Variants in TRAPPC2L observed in about 807,000 individuals in gnomAD.
TRAPPC2L encodes the protein trafficking protein particle complex subunit 2L.
In TRAPPC2L, 17 loss-of-function variants were observed where a neutral mutation model predicts 13.2. The ratio of observed to expected loss-of-function variants is 1.29; its 90% CI spans 0.88 to 1.93. The LOEUF is 1.93. Among genes scored for constraint, TRAPPC2L ranks in the 30% most tolerant of loss-of-function variants. The pLI is 0.00. For synonymous variants in TRAPPC2L, 150 were observed against 98.1 expected, an observed-to-expected ratio of 1.53 and a Z score of -3.12; for missense variants, 359 against 252.1, an observed-to-expected ratio of 1.42 and a Z score of -2.87.
exon 4 of TRAPPC2L, chr16:88,862,638 T>A (rs1968464790): frequency 1.4e-5 from 1 of 73,340 alleles, no homozygotes; most frequent in South Asian, 3.3e-4. Context: ...TTCAGCTTTT[T>A]TTTTAATGTG....
intron 1 of TRAPPC2L, 168 bp downstream of exon 1, chr16:88,857,351 A>T: frequency 1.7e-6 from 1 of 604,064 alleles, no homozygotes; most frequent in South Asian, 2.2e-5. Flanking sequence ...CGCCAGGCAG[A>T]CCCTGACTGA....
At chr16:88,859,509 TAGGCTTGTACCC>T in intron 2 of TRAPPC2L, 142 bp from the exon 3 acceptor site, 1 of 790,760 alleles carries the variant, frequency 1.3e-6, no homozygotes, top group Admixed American at 1.8e-5. Flanking sequence ...GCAAAGTATT[TAGGCTTGTACCC>T]AGCACGGCCA....
chr16:88,859,816 T>G, intron 3 of TRAPPC2L, 66 bp downstream of exon 3: 1 of 1,588,174 alleles, frequency 6.3e-7, no homozygotes, highest in Non-Finnish European at 8.6e-7. Flanking sequence ...GACTTTGTTT[T>G]GAAATGCTGA....
chr16:88,859,918 A>T (rs1298757265), exon 4 of TRAPPC2L: 1 of 1,556,582 alleles, frequency 6.4e-7, no homozygotes, highest in Non-Finnish European at 8.6e-7. Flanking sequence ...CACAACTCCT[A>T]CACAGACGTG....
exon 4 of TRAPPC2L, chr16:88,860,454 T>C: frequency 1.7e-6 from 1 of 603,370 alleles, no homozygotes; most frequent in Non-Finnish European, 2.9e-6. Context: ...CATTCCAGAC[T>C]TGCTTTCAGT....
chr16:88,856,907 C>CAGCGAGCCGACCT (rs1187835208), upstream of TRAPPC2L: 54 of 1,498,450 alleles, frequency 3.6e-5, 1 homozygote, highest in East Asian at 8.0e-4. Context: ...GAGCCCCGGC[C>CAGCGAGCCGACCT]AGCGAGCCGA....
At chr16:88,860,348 G>A (rs932038871) in exon 4 of TRAPPC2L, 8 of 667,826 alleles carry the variant, frequency 1.2e-5, no homozygotes, top group Non-Finnish European at 2.2e-5. Context: ...ATTTGGAACA[G>A]TCAGGAACCT....
chr16:88,858,555 G>T (rs1444060117), intron 1 of TRAPPC2L, 64 bp from the exon 2 acceptor site: 1 of 1,567,006 alleles, frequency 6.4e-7, no homozygotes, highest in African/African-American at 1.3e-5. Context: ...CTGCAGCATA[G>T]TTCAGAGCTG....
chr16:88,856,332 C>T (rs1967875626), upstream of TRAPPC2L: 1 of 702,628 alleles, frequency 1.4e-6, no homozygotes, highest in Non-Finnish European at 2.6e-6. Context: ...GGCAGGGCGG[C>T]AGGAGCAGCC....
chr16:88,859,957 A>AGCGCAT (rs2143016543), exon 4 of TRAPPC2L: 1 of 1,513,454 alleles, frequency 6.6e-7, no homozygotes, highest in African/African-American at 2.6e-5. Flanking sequence ...AACCCGGGGG[A>AGCGCAT]CCGCATCCAG....
exon 4 of TRAPPC2L, chr16:88,861,173 CT>C (rs1353259350): frequency 4.9e-5 from 29 of 587,076 alleles, no homozygotes; most frequent in Non-Finnish European, 7.3e-5. Context: ...CAACTAAGGA[CT>C]TTTCTGGGGT....
intron 2 of TRAPPC2L, 87 bp downstream of exon 2, chr16:88,858,878 G>A: frequency 7.0e-7 from 1 of 1,423,320 alleles, no homozygotes; most frequent in Admixed American, 2.6e-5. Context: ...CCTTTTAGAA[G>A]AAAAAGAGGT....
exon 4 of TRAPPC2L, chr16:88,860,574 G>C (rs1968315787): frequency 5.1e-6 from 3 of 588,544 alleles, no homozygotes; most frequent in South Asian, 2.1e-5. Flanking sequence ...GGGCCATCCT[G>C]GTCCCAGATG....
At chr16:88,857,367 C>G (rs998712956) in intron 1 of TRAPPC2L, 184 bp downstream of exon 1, 1 of 554,268 alleles carries the variant, frequency 1.8e-6, no homozygotes, top group African/African-American at 2.0e-5. Context: ...ACTGAGACCC[C>G]AGTTCCGCGC....
chr16:88,862,120 T>C (rs1968428732), exon 4 of TRAPPC2L: 1 of 155,356 alleles, frequency 6.4e-6, no homozygotes, highest in Non-Finnish European at 1.4e-5. Flanking sequence ...TAGGAGAAGG[T>C]GGGACCCCAG....
At chr16:88,856,392 T>C (rs113899369), upstream of TRAPPC2L, 106 of 700,686 alleles carry the variant, frequency 1.5e-4, no homozygotes, top group African/African-American at 1.4e-3. Flanking sequence ...TTCCCAAGAG[T>C]AGAGGGCGGG....
chr16:88,861,018 G>A (rs1244683289), exon 4 of TRAPPC2L: 32 of 1,523,806 alleles, frequency 2.1e-5, no homozygotes, highest in Admixed American at 7.8e-5. Flanking sequence ...TGGGGCCGTC[G>A]GTCTGTTCTG....
chr16:88,857,627 C>T (rs112688065), intron 1 of TRAPPC2L, among the ~76,000 whole-genome samples: 4,056 of 152,350 alleles, frequency 0.027, 59 homozygotes, highest in African/African-American at 0.031. Context: ...AGTGGCTTCT[C>T]GTTGCCTTAG....
At chr16:88,859,727 C>A in exon 3 of TRAPPC2L, 2 of 1,613,982 alleles carry the variant, frequency 1.2e-6, no homozygotes, top group Middle Eastern at 3.3e-4. Context: ...CAACACAGCC[C>A]TTCGAGACAA....
Sources: gnomAD v4.1 joint callset for allele counts (sites outside exome capture counted in the v4.1 genomes callset) on GRCh38, gnomAD v4.1.1 for gene constraint, MANE v1.5 for transcripts, NCBI Gene and HGNC (gene_info 2026-07-23, HGNC 2026-07-21) for gene names.